The following THBS4 variants were observed in gnomAD, a reference collection of about 807,000 sequenced individuals.
The protein encoded by THBS4 is thrombospondin 4.
In THBS4, 90 loss-of-function variants were observed where a neutral mutation model predicts 115.7. The ratio of observed to expected loss-of-function variants is 0.78; its 90% CI spans 0.66 to 0.93. The LOEUF (loss-of-function observed/expected upper bound fraction) is 0.93. Ranked by LOEUF, THBS4 falls within the 40% of genes least tolerant of loss-of-function variation. The pLI, the probability that THBS4 is intolerant of heterozygous loss-of-function variation, is 0.00. For missense variants in THBS4, 1,087 were observed against 1,232.7 expected (o/e 0.88, Z 1.77); for synonymous variants, 460 against 479.3 (o/e 0.96, Z 0.53).
At chr5:80,066,665 G>A (rs1308760793) in intron 9 of THBS4, 1 of 152,222 alleles carries the variant, frequency 6.6e-6, no homozygotes, top group Non-Finnish European at 1.5e-5. Context: ...TTCCAGGTTG[G>A]CTACAGAGCC....
intron 2 of THBS4, among the ~76,000 whole-genome samples, chr5:80,007,119 G>A (rs1471340987): frequency 6.6e-6 from 1 of 152,088 alleles, no homozygotes; most frequent in Non-Finnish European, 1.5e-5. Flanking sequence ...GATGCCCAGT[G>A]AACAATGGGA....
chr5:80,015,800 G>A (rs759920363), intron 2 of THBS4, among the ~76,000 whole-genome samples: 1 of 152,178 alleles, frequency 6.6e-6, no homozygotes, highest in African/African-American at 2.4e-5. Context: ...GTCAGTGCCT[G>A]AAAGAAGCTG....
intron 1 of THBS4, among the ~76,000 whole-genome samples, chr5:79,991,974 C>T (rs1285978625): frequency 2.0e-5 from 3 of 152,182 alleles, no homozygotes; most frequent in African/African-American, 4.8e-5. Flanking sequence ...GGTTTGGGAC[C>T]TGTGCAGCCA....
chr5:80,041,737 C>A (rs773759022), intron 2 of THBS4, among the ~76,000 whole-genome samples: 1 of 152,166 alleles, frequency 6.6e-6, no homozygotes, highest in Non-Finnish European at 1.5e-5. Flanking sequence ...GGGGACAACA[C>A]CTGTTCCTGT....
chr5:80,047,797 C>T (rs1386382216), intron 2 of THBS4, among the ~76,000 whole-genome samples: 1 of 151,910 alleles, frequency 6.6e-6, no homozygotes, highest in Non-Finnish European at 1.5e-5. Flanking sequence ...CCACACCCGC[C>T]TAATTTTTTT....
In THBS4 at chr5:80,059,453, CA is replaced by C. The variant is rs773366665; in HGVS notation, c.747del (p.Leu251CysfsTer5). On this transcript the variant is annotated frameshift_variant, in exon 6 of 22. Coordinates refer to ENST00000350881, the MANE Select transcript of THBS4 (RefSeq NM_003248.6). LOFTEE classifies it high-confidence loss of function. ...TCATTTTTAAAGGTTAAGGAAACATCATTTTTGCGAAACACCATAGCTGAAT... is the reference window on the plus strand; with the variant it reads ...TCATTTTTAAAGGTTAAGGAAACATCTTTTTGCGAAACACCATAGCTGAAT... ...DLLRQQVKET[S>X]FLRNTIAECQ... 9.9e-5 allele frequency: 159 copies of C among 1,613,654 alleles called. No homozygotes were observed. The highest frequency in any genetic ancestry group is 1.2e-4 in the Non-Finnish European group (137 of 1,179,952).
At chr5:80,078,885 C>T (rs1345136312) in intron 17 of THBS4, 36 bp from the exon 18 acceptor site, 1 of 1,607,342 alleles carries the variant, frequency 6.2e-7, no homozygotes, top group Admixed American at 1.7e-5. Context: ...TTGGCCCCTT[C>T]AAGACTGTTC....
intron 2 of THBS4, among the ~76,000 whole-genome samples, chr5:80,049,593 AAGTC>A (rs1833187805): frequency 6.6e-6 from 1 of 152,152 alleles, no homozygotes; most frequent in Non-Finnish European, 1.5e-5. Flanking sequence ...TGAGTAATAA[AAGTC>A]AGAGTGGACA....
chr5:80,055,081 G>A (rs535826033), intron 2 of THBS4, among the ~76,000 whole-genome samples: 2 of 152,146 alleles, frequency 1.3e-5, no homozygotes, highest in African/African-American at 4.8e-5. Context: ...CAGCACTTTG[G>A]GAGGCCGAGG....
chr5:80,073,471 A>C, intron 15 of THBS4, 144 bp downstream of exon 15: 1 of 727,886 alleles, frequency 1.4e-6, no homozygotes, highest in Admixed American at 2.4e-5. Context: ...GCAAGCTCCG[A>C]TTCCCAGGTT....
chr5:80,058,360 C>T (rs759638802), intron 4 of THBS4, 46 bp downstream of exon 4: 102 of 1,418,406 alleles, frequency 7.2e-5, no homozygotes, highest in Non-Finnish European at 9.3e-5. Context: ...ACACAAACTC[C>T]AAAGACCCTG....
At chr5:80,082,690 A>G in intron 21 of THBS4, 145 bp downstream of exon 21, 2 of 992,044 alleles carry the variant, frequency 2.0e-6, no homozygotes, top group Non-Finnish European at 3.0e-6. Flanking sequence ...GTGTACCAGA[A>G]GTAAAAAGCA....
chr5:80,004,448 C>G (rs1412711526), intron 2 of THBS4, among the ~76,000 whole-genome samples: 1 of 152,160 alleles, frequency 6.6e-6, no homozygotes, highest in Non-Finnish European at 1.5e-5. Context: ...AGACTCAGAC[C>G]TTTGCAGGAC....
At chr5:80,004,723 A>G (rs1285653765) in intron 2 of THBS4, among the ~76,000 whole-genome samples, 1 of 152,138 alleles carries the variant, frequency 6.6e-6, no homozygotes, top group Non-Finnish European at 1.5e-5. Context: ...ATAAAAAACA[A>G]TTTATTTATT....
Position 80,058,691 on chromosome 5 carries a change from T to G in THBS4, c.650-17T>G. ...CATCACTGGCTGAAAACTCTTTGCCTTTTGCTGTTCCTACAGGGGACTTTA... is the reference window on the plus strand; with the variant it reads ...CATCACTGGCTGAAAACTCTTTGCCGTTTGCTGTTCCTACAGGGGACTTTA... On this transcript the variant is annotated splice_polypyrimidine_tract_variant and intron_variant, in intron 4 of 21. Transcript: ENST00000350881. 4 of 1,613,484 alleles carry G rather than the reference T, an allele frequency of 2.5e-6. No individual in the cohort carries two copies. The highest frequency in any genetic ancestry group is 3.4e-6 in the Non-Finnish European group (4 of 1,179,424).
At chr5:80,056,967 T>C (rs939693753) in intron 3 of THBS4, among the ~76,000 whole-genome samples, 4 of 152,216 alleles carry the variant, frequency 2.6e-5, no homozygotes, top group African/African-American at 4.8e-5. Context: ...ATAAAAACTA[T>C]GAATCTGATC....
In THBS4 at chr5:80,070,003, C is replaced by T. The variant is rs17880018; in HGVS notation, c.1348-303C>T. ...CCCAGGTCAGCTTTCTCTCCCTCTG[C>T]GTTTCCAGTTCCCTGTGACCTTCTG... On this transcript the variant is annotated intron_variant, in intron 10 of 21. Coordinates refer to ENST00000350881, the MANE Select transcript of THBS4 (RefSeq NM_003248.6). Among the ~76,000 whole-genome samples the T allele has an allele frequency of 5.8e-3, 886 of 152,322 alleles. 4 individuals carry two copies. The highest frequency in any genetic ancestry group is 0.021 in the African/African-American group (858 of 41,562).
At chr5:80,063,816 A>T (rs1833720079) in intron 8 of THBS4, among the ~76,000 whole-genome samples, 1 of 152,254 alleles carries the variant, frequency 6.6e-6, no homozygotes, top group Non-Finnish European at 1.5e-5. Flanking sequence ...CACCTTGCTA[A>T]ATTTAACAGC....
chr5:80,014,326 G>A (rs773416129), intron 2 of THBS4, among the ~76,000 whole-genome samples: 2 of 152,222 alleles, frequency 1.3e-5, no homozygotes, highest in Non-Finnish European at 2.9e-5. Context: ...CAGGTGATGT[G>A]CCAATGGTAT....
Sources: allele counts gnomAD v4.1 joint callset (sites outside exome capture counted in the v4.1 genomes callset), GRCh38; gene constraint gnomAD v4.1.1; transcripts MANE v1.5; gene names NCBI Gene and HGNC (gene_info 2026-07-23, HGNC 2026-07-21).